The following AFF1 variants were observed in gnomAD, a reference collection of about 807,000 sequenced individuals.
AFF1 encodes ALF transcription elongation factor 1.
A neutral mutation model predicts 121.7 loss-of-function variants in AFF1; 48 were observed. That is an observed-to-expected ratio of 0.39 (90% CI 0.31 to 0.50). AFF1 has a LOEUF of 0.50. Among genes scored for constraint, AFF1 ranks in the 20% least tolerant of loss-of-function variants. AFF1 has a pLI of 0.76. For missense variants in AFF1, 1,523 were observed against 1,511.7 expected (o/e 1.01, Z -0.12); for synonymous variants, 613 against 563.0 (o/e 1.09, Z -1.26).
rs149863287 is a variant in AFF1, at chr4:86,949,432, T to A, written c.38+861T>A. 1.6e-3 allele frequency among the ~76,000 whole-genome samples: 248 copies of A among 150,800 alleles called. 1 individual carries two copies. The highest frequency in any genetic ancestry group is 5.8e-3 in the African/African-American group (239 of 41,406). ...GCTACTCCAAAAACGTATTAAATGT[T>A]TTTAAATGTTACTACTACCCCTTGT... On this transcript the variant is annotated intron_variant, in intron 2 of 20. Coordinates refer to ENST00000395146, the MANE Select transcript of AFF1 (RefSeq NM_001166693.3).
intron 2 of AFF1, among the ~76,000 whole-genome samples, chr4:87,012,690 C>T (rs1286539648): frequency 1.3e-5 from 2 of 152,166 alleles, no homozygotes; most frequent in Non-Finnish European, 2.9e-5. Context: ...GTGTCTTGCT[C>T]AAGTACAAAT....
chr4:86,935,992 G>A (rs544607762), intron 1 of AFF1: 1 of 152,348 alleles, frequency 6.6e-6, no homozygotes, highest in South Asian at 2.1e-4. Flanking sequence ...CGTTACCTTA[G>A]TGTAATGGTA....
chr4:86,983,895 G>C (rs746611692), intron 2 of AFF1, among the ~76,000 whole-genome samples: 4 of 151,676 alleles, frequency 2.6e-5, no homozygotes, highest in Non-Finnish European at 4.4e-5. Flanking sequence ...AAATTAGCCA[G>C]GCGTGATGGT....
intron 2 of AFF1, among the ~76,000 whole-genome samples, chr4:87,030,164 T>C (rs1578102490): frequency 6.6e-6 from 1 of 152,172 alleles, no homozygotes; most frequent in East Asian, 1.9e-4. Context: ...CTTGTGTTTC[T>C]TACTAATTTA....
chr4:86,940,064 A>G (rs1720341592), intron 1 of AFF1, among the ~76,000 whole-genome samples: 2 of 152,174 alleles, frequency 1.3e-5, no homozygotes, highest in African/African-American at 4.8e-5. Context: ...TACGCCTGTA[A>G]TTCTAGCACT....
intron 2 of AFF1, among the ~76,000 whole-genome samples, chr4:86,967,611 A>T (rs1052404050): frequency 2.6e-5 from 4 of 151,960 alleles, no homozygotes; most frequent in African/African-American, 9.7e-5. Flanking sequence ...TGCATGGGAG[A>T]GCTGAAGAGA....
intron 16 of AFF1, among the ~76,000 whole-genome samples, chr4:87,128,456 G>GT (rs1232730295): frequency 6.6e-6 from 1 of 152,196 alleles, no homozygotes; most frequent in Non-Finnish European, 1.5e-5. Flanking sequence ...TATGTAGTGA[G>GT]TTCCTAAACC....
chr4:87,087,723 A>G (rs564380373), intron 5 of AFF1, among the ~76,000 whole-genome samples: 2 of 152,272 alleles, frequency 1.3e-5, no homozygotes, highest in Non-Finnish European at 2.9e-5. Context: ...GAAAGAATTT[A>G]TGTACTTTCC....
intron 4 of AFF1, among the ~76,000 whole-genome samples, chr4:87,065,546 T>TA (rs918148941): frequency 1.3e-5 from 2 of 151,412 alleles, no homozygotes; most frequent in East Asian, 1.9e-4. Flanking sequence ...TAAACTGATC[T>TA]AAAAAAATAG....
At chr4:87,132,181 C>A in intron 18 of AFF1, 90 bp from the exon 19 acceptor site, 1 of 1,478,774 alleles carries the variant, frequency 6.8e-7, no homozygotes, top group Non-Finnish European at 9.1e-7. Flanking sequence ...GAGGCAAACC[C>A]GGTGTGTTCA....
chr4:87,039,677 ATCTT>A (rs1729912926), intron 2 of AFF1, among the ~76,000 whole-genome samples: 2 of 152,176 alleles, frequency 1.3e-5, no homozygotes, highest in South Asian at 4.1e-4. Context: ...TTCTGTAGAG[ATCTT>A]TTGATACATC....
At chr4:87,074,964 T>C (rs1722500667) in intron 4 of AFF1, among the ~76,000 whole-genome samples, 1 of 152,182 alleles carries the variant, frequency 6.6e-6, no homozygotes, top group Non-Finnish European at 1.5e-5. Context: ...AAAGAGGCCC[T>C]CTTTGTAGAG....
At chr4:86,950,527 T>A (rs1721234427) in intron 2 of AFF1, among the ~76,000 whole-genome samples, 1 of 152,234 alleles carries the variant, frequency 6.6e-6, no homozygotes, top group South Asian at 2.1e-4. Context: ...ATTTCACTAG[T>A]CTAAAAAATA....
intron 4 of AFF1, among the ~76,000 whole-genome samples, chr4:87,070,140 A>G (rs1436902198): frequency 6.6e-6 from 1 of 152,190 alleles, no homozygotes; most frequent in African/African-American, 2.4e-5. Context: ...AGTAGCTGGG[A>G]TTACAGGCCT....
At chr4:87,084,518 C>T (rs1215654000) in intron 5 of AFF1, among the ~76,000 whole-genome samples, 1 of 151,116 alleles carries the variant, frequency 6.6e-6, no homozygotes, top group Non-Finnish European at 1.5e-5. Context: ...CACTGCACTC[C>T]AGCCTGGGCA....
chr4:87,113,631 T>C (rs1196071204), intron 11 of AFF1, among the ~76,000 whole-genome samples: 2 of 152,204 alleles, frequency 1.3e-5, no homozygotes, highest in Non-Finnish European at 2.9e-5. Context: ...CCAGCTGACT[T>C]TATCAAGGTA....
At chr4:87,107,207 T>G (rs1725999653) in intron 10 of AFF1, among the ~76,000 whole-genome samples, 1 of 152,254 alleles carries the variant, frequency 6.6e-6, no homozygotes, top group African/African-American at 2.4e-5. Flanking sequence ...TAATAATTTT[T>G]ATTCTAATAT....
At chr4:87,073,548 A>T (rs1298313484) in intron 4 of AFF1, among the ~76,000 whole-genome samples, 1 of 152,146 alleles carries the variant, frequency 6.6e-6, no homozygotes, top group African/African-American at 2.4e-5. Context: ...GGAGACAGAA[A>T]ACCAACACCT....
At chr4:87,056,447 G>T (rs1456409332) in intron 4 of AFF1, among the ~76,000 whole-genome samples, 1 of 152,004 alleles carries the variant, frequency 6.6e-6, no homozygotes, top group Non-Finnish European at 1.5e-5. Flanking sequence ...AAAATACCCC[G>T]AAGCAAGTAT....
Sources: gnomAD v4.1 joint callset for allele counts (sites outside exome capture counted in the v4.1 genomes callset) on GRCh38, gnomAD v4.1.1 for gene constraint, MANE v1.5 for transcripts, NCBI Gene and HGNC (gene_info 2026-07-23, HGNC 2026-07-21) for gene names.